Variants in CLASP2 observed in about 807,000 individuals in gnomAD.
CLASP2 encodes the protein cytoplasmic linker associated protein 2, also known as CLIP-associating protein 2.
A neutral mutation model predicts 194.4 loss-of-function variants in CLASP2; 47 were observed. The ratio of observed to expected loss-of-function variants is 0.24; its 90% CI spans 0.19 to 0.31. The LOEUF (loss-of-function observed/expected upper bound fraction) is 0.31, where lower values mean the gene tolerates loss of function less well. Ranked by LOEUF, CLASP2 falls within the 10% of genes least tolerant of loss-of-function variation. The pLI, the probability that CLASP2 is intolerant of heterozygous loss-of-function variation, is 1.00. For missense variants in CLASP2, 1,445 were observed against 1,823.6 expected, an observed-to-expected ratio of 0.79 and a Z score of 3.78; for synonymous variants, 619 against 633.5, an observed-to-expected ratio of 0.98 and a Z score of 0.34.
At chr3:33,551,512 T>C in intron 29 of CLASP2, 117 bp from the exon 30 acceptor site, 2 of 997,970 alleles carry the variant, frequency 2.0e-6, no homozygotes, top group Non-Finnish European at 2.8e-6. Flanking sequence ...ACAGATAGGG[T>C]CTTACTATGT....
At chr3:33,572,726 C>T (rs1560094984) in intron 25 of CLASP2, among the ~76,000 whole-genome samples, 1 of 151,998 alleles carries the variant, frequency 6.6e-6, no homozygotes, top group Non-Finnish European at 1.5e-5. Context: ...TCTTCATTTC[C>T]AAATAAGCAT....
chr3:33,653,816 T>G (rs1407962408), intron 7 of CLASP2, among the ~76,000 whole-genome samples: 3 of 152,138 alleles, frequency 2.0e-5, no homozygotes, highest in South Asian at 2.1e-4. Context: ...TAATACTATT[T>G]CTGGGTATGT....
intron 6 of CLASP2, among the ~76,000 whole-genome samples, chr3:33,668,330 C>T (rs1353668980): frequency 6.6e-6 from 1 of 152,082 alleles, no homozygotes; most frequent in Non-Finnish European, 1.5e-5. Context: ...TAAGAGTGGG[C>T]AAAAACAAAC....
At chr3:33,674,721 T>C (rs2154339923) in intron 6 of CLASP2, among the ~76,000 whole-genome samples, 2 of 151,272 alleles carry the variant, frequency 1.3e-5, no homozygotes, top group South Asian at 4.2e-4. Context: ...GAGAGAAGAA[T>C]CAAATAGACC....
At chr3:33,561,662 A>G (rs1479688026) in intron 27 of CLASP2, among the ~76,000 whole-genome samples, 1 of 152,156 alleles carries the variant, frequency 6.6e-6, no homozygotes, top group Non-Finnish European at 1.5e-5. Flanking sequence ...ATATTAATCT[A>G]TTTGTTTTAA....
intron 8 of CLASP2, 124 bp downstream of exon 8, chr3:33,644,633 C>G (rs2081970839): frequency 3.0e-6 from 3 of 995,634 alleles, no homozygotes; most frequent in Non-Finnish European, 4.6e-6. Context: ...AATGTTGCAA[C>G]AGACTCCAGA....
At chr3:33,604,702 T>C (rs927758892) in intron 16 of CLASP2, among the ~76,000 whole-genome samples, 48 of 152,310 alleles carry the variant, frequency 3.2e-4, no homozygotes, top group African/African-American at 1.1e-3. Flanking sequence ...GTGTCTCAAT[T>C]AGCTATGAAG....
chr3:33,607,617 T>C (rs1166942484), intron 14 of CLASP2, among the ~76,000 whole-genome samples, 156 bp from the exon 15 acceptor site: 1 of 152,188 alleles, frequency 6.6e-6, no homozygotes, highest in Non-Finnish European at 1.5e-5. Context: ...ACCATAAGAT[T>C]TTCTAATTAT....
At chr3:33,559,572 C>T (rs1276679996) in intron 28 of CLASP2, among the ~76,000 whole-genome samples, 187 bp from the exon 29 acceptor site, 1 of 152,166 alleles carries the variant, frequency 6.6e-6, no homozygotes, top group Non-Finnish European at 1.5e-5. Flanking sequence ...ATATGAACAT[C>T]TGAATTTGTA....
intron 12 of CLASP2, among the ~76,000 whole-genome samples, chr3:33,615,375 A>G (rs2075943035): frequency 6.8e-6 from 1 of 146,908 alleles, no homozygotes; most frequent in South Asian, 2.1e-4. Flanking sequence ...CTTCTAAATT[A>G]CAAAAAAAAA....
chr3:33,592,309 G>T, intron 21 of CLASP2, 86 bp downstream of exon 21: 1 of 938,976 alleles, frequency 1.1e-6, no homozygotes, highest in Non-Finnish European at 1.7e-6. Flanking sequence ...TTATCCACTG[G>T]TCAATCGTCT....
chr3:33,646,963 T>G (rs999041615), intron 7 of CLASP2, among the ~76,000 whole-genome samples: 2 of 152,200 alleles, frequency 1.3e-5, no homozygotes, highest in African/African-American at 4.8e-5. Flanking sequence ...TTCTGGTATC[T>G]AGCTTCTTTT....
intron 10 of CLASP2, among the ~76,000 whole-genome samples, chr3:33,626,179 T>G (rs542667524): frequency 4.6e-5 from 7 of 152,128 alleles, no homozygotes; most frequent in Non-Finnish European, 1.0e-4. Flanking sequence ...AAAATGGTCC[T>G]TTGTTCATAG....
At chr3:33,668,669 G>A (rs904237911) in intron 6 of CLASP2, among the ~76,000 whole-genome samples, 8 of 152,158 alleles carry the variant, frequency 5.3e-5, no homozygotes, top group Non-Finnish European at 7.3e-5. Flanking sequence ...GGCCATAGGC[G>A]TCAAGAATAG....
chr3:33,581,873 A>G lies in CLASP2; in HGVS notation c.2295T>C (p.Ala765=). The change falls in exon 23 of 39, where the codon GCT becomes GCC. Residue 765 remains alanine, a synonymous_variant. Transcript: ENST00000682230. The part of the protein sequence containing the change: ...PSVSQGCSRE[A]SRESSRDTSP... ...TTGTGTCTCTGCTGCTCTCCCGACT[A>G]GCTTCCCGGCTGCATCCTTGACTCA... is the stretch of plus-strand genomic sequence containing the variant. 1 of 1,613,864 alleles carries G rather than the reference A, an allele frequency of 6.2e-7. No homozygotes were observed.
chr3:33,599,394 T>C (rs2071396322), intron 18 of CLASP2, among the ~76,000 whole-genome samples: 1 of 152,088 alleles, frequency 6.6e-6, no homozygotes, highest in African/African-American at 2.4e-5. Context: ...AAGTGCTGGG[T>C]TTACAGGTGT....
rs1385028938 is a variant in CLASP2 at position 33,517,014 on chromosome 3, C to T, written c.3948G>A (p.Leu1316=). ...SVWDEHFKTI[L]LLLLETLGDK... Reference sequence around the variant, plus strand: ...CTCCAAGCGTTTCAAGCAATAAAAGCAATATTGTTTTGAAGTGTTCATCCC... The same window carrying T: ...CTCCAAGCGTTTCAAGCAATAAAAGTAATATTGTTTTGAAGTGTTCATCCC... Residue 1316 remains leucine (L), a synonymous_variant, in exon 35 of 39, where the codon TTG becomes TTA. Transcript: ENST00000682230. 1.9e-6 allele frequency: 3 copies of T among 1,613,162 alleles called. No homozygotes were observed. The highest frequency in any genetic ancestry group is 2.5e-6 in the Non-Finnish European group (3 of 1,179,666).
intron 1 of CLASP2, among the ~76,000 whole-genome samples, chr3:33,715,783 T>C (rs1299615942): frequency 6.6e-6 from 1 of 150,376 alleles, no homozygotes; most frequent in African/African-American, 2.5e-5. Context: ...ATTCTATTTG[T>C]ATGTTCAAAA....
chr3:33,613,771 C>A (rs759646168), intron 12 of CLASP2, among the ~76,000 whole-genome samples: 7 of 152,148 alleles, frequency 4.6e-5, no homozygotes, highest in Non-Finnish European at 1.0e-4. Flanking sequence ...CATGGAGATC[C>A]CCTAGCTACA....
Sources: gnomAD v4.1 joint callset for allele counts (sites outside exome capture counted in the v4.1 genomes callset) on GRCh38, gnomAD v4.1.1 for gene constraint, MANE v1.5 for transcripts, NCBI Gene and HGNC (gene_info 2026-07-23, HGNC 2026-07-21) for gene names.